FBN1: variants seen among roughly 807,000 people sequenced by gnomAD.
The protein encoded by FBN1 is fibrillin 1.
A neutral mutation model predicts 365.1 loss-of-function variants in FBN1; 29 were observed. The ratio of observed to expected loss-of-function variants is 0.08; its 90% CI spans 0.06 to 0.11. FBN1 has a LOEUF of 0.11. Ranked by LOEUF, FBN1 falls within the 10% of genes least tolerant of loss-of-function variation. The pLI, the probability that FBN1 is intolerant of heterozygous loss-of-function variation, is 1.00. For missense variants in FBN1, 2,476 were observed against 3,703.2 expected, an observed-to-expected ratio of 0.67 and a Z score of 8.60; for synonymous variants, 1,210 against 1,270.5, an observed-to-expected ratio of 0.95 and a Z score of 1.01.
chr15:48,460,339 G>A (rs758008598), intron 42 of FBN1, 22 bp from the exon 43 acceptor site: 2 of 1,524,104 alleles, frequency 1.3e-6, no homozygotes, highest in East Asian at 2.2e-5. Flanking sequence ...AAACAAAGGT[G>A]GGATGGGAGG....
intron 4 of FBN1, among the ~76,000 whole-genome samples, chr15:48,609,751 A>G (rs747189754): frequency 1.6e-4 from 24 of 152,226 alleles, no homozygotes; most frequent in Admixed American, 5.9e-4. Flanking sequence ...TCTCAGGAAG[A>G]GTCCCCCGTG....
At chr15:48,488,045 G>A in intron 27 of FBN1, 68 bp downstream of exon 27, 1 of 1,601,760 alleles carries the variant, frequency 6.2e-7, no homozygotes, top group South Asian at 1.1e-5. Context: ...CTGGAACATA[G>A]GCTATGAGCC....
intron 64 of FBN1, among the ~76,000 whole-genome samples, chr15:48,415,231 G>A (rs1336110841): frequency 6.6e-6 from 1 of 152,136 alleles, no homozygotes; most frequent in Non-Finnish European, 1.5e-5. Flanking sequence ...TTGGCAGAGA[G>A]GTGTATTTAC....
chr15:48,607,372 A>ATATC (rs1265919753), intron 4 of FBN1, among the ~76,000 whole-genome samples: 4 of 24,978 alleles, frequency 1.6e-4, no homozygotes, highest in African/African-American at 2.3e-4. Context: ...ATATACATAT[A>ATATC]TATATATATA....
chr15:48,415,398 C>A, intron 64 of FBN1, 138 bp downstream of exon 64: 2 of 732,754 alleles, frequency 2.7e-6, no homozygotes, highest in Non-Finnish European at 2.4e-6. Context: ...AAACTTTTGC[C>A]AAGCTAACTG....
chr15:48,492,737 G>T (rs1375043214), intron 23 of FBN1, 151 bp from the exon 24 acceptor site: 2 of 656,028 alleles, frequency 3.0e-6, no homozygotes, highest in Non-Finnish European at 5.2e-6. Flanking sequence ...AATTTCTAGG[G>T]TGCCTGAATA....
chr15:48,547,720 T>TTC (rs1193812626), intron 6 of FBN1, among the ~76,000 whole-genome samples: 15 of 68,304 alleles, frequency 2.2e-4, no homozygotes, highest in Non-Finnish European at 4.6e-4. Flanking sequence ...TCTTCTCTCT[T>TTC]TCACACACAC....
At chr15:48,456,512 C>A in intron 44 of FBN1, 125 bp downstream of exon 44, 1 of 987,126 alleles carries the variant, frequency 1.0e-6, no homozygotes. Context: ...CACACCATGC[C>A]CTTTACTATT....
chr15:48,485,973 C>A (rs1385320770), intron 29 of FBN1, among the ~76,000 whole-genome samples: 1 of 152,146 alleles, frequency 6.6e-6, no homozygotes, highest in African/African-American at 2.4e-5. Flanking sequence ...TCACTGATTC[C>A]TTCAACAAAT....
intron 25 of FBN1, among the ~76,000 whole-genome samples, chr15:48,489,098 G>A (rs764577609): frequency 6.6e-6 from 1 of 151,108 alleles, no homozygotes; most frequent in Non-Finnish European, 1.5e-5. Flanking sequence ...GTACAGTGGT[G>A]TGCTTGGCTC....
intron 57 of FBN1, 119 bp downstream of exon 57, chr15:48,428,227 A>C (rs1224518587): frequency 7.5e-7 from 1 of 1,328,692 alleles, no homozygotes; most frequent in South Asian, 1.2e-5. Flanking sequence ...CAAAATATGA[A>C]CATTTTTTAT....
chr15:48,599,350 C>A (rs1435659711), intron 5 of FBN1, among the ~76,000 whole-genome samples: 2 of 151,956 alleles, frequency 1.3e-5, no homozygotes, highest in African/African-American at 2.4e-5. Flanking sequence ...AATGAGCATA[C>A]TTTGAATAAA....
chr15:48,467,300 T>C (rs1238794557), intron 38 of FBN1, among the ~76,000 whole-genome samples: 1 of 152,200 alleles, frequency 6.6e-6, no homozygotes, highest in Non-Finnish European at 1.5e-5. Flanking sequence ...TTTAGAAGAA[T>C]TGAATAAATG....
At chr15:48,438,810 A>G (rs2043092011) in intron 50 of FBN1, among the ~76,000 whole-genome samples, 1 of 152,172 alleles carries the variant, frequency 6.6e-6, no homozygotes. Flanking sequence ...CATTTCTCAT[A>G]CAACACATTG....
Position 48,493,545 on chromosome 15 carries a change from T to C in FBN1, c.2728+659A>G, listed in dbSNP as rs1597567875. On this transcript the variant is annotated intron_variant, in intron 23 of 65. Coordinates refer to ENST00000316623, the MANE Select transcript of FBN1 (RefSeq NM_000138.5). ...GGTCAGATAAGTTATTAACAGCGGG[T>C]CTGGACCAGAGAAAGGCCAAAGGAT... Among the ~76,000 whole-genome samples the C allele has an allele frequency of 2.0e-5, 3 of 152,234 alleles. No individual in the cohort carries two copies. In the East Asian group the frequency reaches 5.8e-4, roughly 29 times the overall value.
intron 2 of FBN1, among the ~76,000 whole-genome samples, chr15:48,632,853 G>A (rs1017055092): frequency 1.3e-5 from 2 of 152,164 alleles, no homozygotes; most frequent in Admixed American, 6.5e-5. Flanking sequence ...CTAAAACACC[G>A]ACTATGTGAC....
chr15:48,472,457 T>C, intron 35 of FBN1, 94 bp downstream of exon 35: 1 of 1,370,528 alleles, frequency 7.3e-7, no homozygotes, highest in Non-Finnish European at 1.0e-6. Context: ...ACACCTCAGT[T>C]TAAAAAAAAA....
chr15:48,448,329 T>G (rs910643519), intron 46 of FBN1, among the ~76,000 whole-genome samples: 1 of 152,150 alleles, frequency 6.6e-6, no homozygotes, highest in Admixed American at 6.6e-5. Flanking sequence ...CCTGAGCTCT[T>G]TTTCCTCTAG....
rs1175417897 is a variant in FBN1 at position 48,411,293 on chromosome 15, G to A, written c.8313C>T (p.Val2771=). Residue 2771 remains valine, a synonymous_variant, in exon 66 of 66, where the codon GTC becomes GTT. Coordinates refer to ENST00000316623, the MANE Select transcript of FBN1 (RefSeq NM_000138.5). ...TAIFAFNISH[V]SNKVRILELL... is the part of the protein sequence containing the mutation. Reference sequence around the variant, plus strand: ...GTTCTAGGATTCGAACCTTGTTACTGACGTGGGAAATATTGAAAGCAAAGA... The same window carrying A: ...GTTCTAGGATTCGAACCTTGTTACTAACGTGGGAAATATTGAAAGCAAAGA... The A allele has an allele frequency of 1.2e-6, 2 of 1,613,930 alleles. No homozygotes were observed. The highest frequency in any genetic ancestry group is 2.7e-5 in the African/African-American group (2 of 74,914).
Sources: gnomAD v4.1 joint callset for allele counts (sites outside exome capture counted in the v4.1 genomes callset) on GRCh38, gnomAD v4.1.1 for gene constraint, MANE v1.5 for transcripts, NCBI Gene and HGNC (gene_info 2026-07-23, HGNC 2026-07-21) for gene names.